Variants in RWDD4 observed in about 807,000 individuals in gnomAD.
RWDD4 encodes RWD domain containing 4.
A neutral mutation model predicts 30.0 loss-of-function variants in RWDD4; 16 were observed. The observed-to-expected ratio is 0.53, with a 90% CI of 0.36 to 0.81. RWDD4 has a LOEUF of 0.81. Among genes scored for constraint, RWDD4 ranks in the 30% least tolerant of loss-of-function variants. The pLI is 0.00. For synonymous variants in RWDD4, 45 were observed against 72.1 expected, an observed-to-expected ratio of 0.62 and a Z score of 1.90; for missense variants, 170 against 223.9, an observed-to-expected ratio of 0.76 and a Z score of 1.54.
At chr4:183,656,018 G>C in intron 1 of RWDD4, 57 bp from the exon 2 acceptor site, 1 of 1,194,948 alleles carries the variant, frequency 8.4e-7, no homozygotes, top group Non-Finnish European at 1.2e-6. Context: ...TAGAAATAGA[G>C]GGTCTTTACT....
At chr4:183,647,145 ATTATT>A (rs1733979821) in intron 5 of RWDD4, among the ~76,000 whole-genome samples, 2 of 152,206 alleles carry the variant, frequency 1.3e-5, no homozygotes, top group African/African-American at 4.8e-5. Context: ...AAGTGCTTTT[ATTATT>A]TTAACAGAAT....
intron 2 of RWDD4, among the ~76,000 whole-genome samples, chr4:183,655,363 G>C (rs113880649): frequency 0.071 from 10,779 of 150,776 alleles, 1,302 homozygotes; most frequent in African/African-American, 0.25. Context: ...CTCACTGCAA[G>C]CTCTGCCTCC....
intron 2 of RWDD4, among the ~76,000 whole-genome samples, chr4:183,652,808 CAAA>C (rs1210590907): frequency 3.5e-5 from 4 of 112,700 alleles, no homozygotes; most frequent in Admixed American, 9.5e-5. Flanking sequence ...GACTCCATCT[CAAA>C]AAAAAAAAAA....
chr4:183,656,548 C>T (rs1357157970), intron 1 of RWDD4, among the ~76,000 whole-genome samples: 1 of 152,140 alleles, frequency 6.6e-6, no homozygotes, highest in African/African-American at 2.4e-5. Flanking sequence ...GGACATAGTT[C>T]TTAGAACATT....
At chr4:183,655,470 ACAG>A (rs1390136471) in intron 2 of RWDD4, among the ~76,000 whole-genome samples, 5 of 151,346 alleles carry the variant, frequency 3.3e-5, no homozygotes, top group South Asian at 2.1e-4. Context: ...TTTAGTAGAG[ACAG>A]TGGGGTTTCA....
intron 2 of RWDD4, among the ~76,000 whole-genome samples, chr4:183,651,642 T>C (rs1269801684): frequency 6.6e-6 from 1 of 152,150 alleles, no homozygotes; most frequent in Non-Finnish European, 1.5e-5. Flanking sequence ...AGGATGAAAA[T>C]AAGACATCAA....
rs1440656086 is a variant in RWDD4, at chr4:183,641,201, T to C, written c.*235A>G. On this transcript the variant is annotated 3_prime_UTR_variant, in exon 8 of 8. Coordinates refer to ENST00000326397, the MANE Select transcript of RWDD4 (RefSeq NM_152682.4). ...CATTTATAAAGCTCAAGGGGCTTCA[T>C]AAAGTATACTAAACAGTAACATTTT... is the stretch of plus-strand genomic sequence containing the variant. 1 of 548,170 alleles carries C rather than the reference T, an allele frequency of 1.8e-6. No individual in the cohort carries two copies. The highest frequency in any genetic ancestry group is 3.3e-6 in the Non-Finnish European group (1 of 306,768). 34.0% of individuals were successfully genotyped at this position (548,170 alleles called of 1,614,324 possible). A position where few individuals can be genotyped will look rare whatever the true frequency, so the allele number is the denominator to read the frequency against.
chr4:183,658,916 C>T lies in RWDD4; in HGVS notation c.24+13G>A. On this transcript the variant is annotated intron_variant, in intron 1 of 7. Coordinates refer to ENST00000326397, the MANE Select transcript of RWDD4 (RefSeq NM_152682.4). Reference sequence around the variant, plus strand: ...GCCCGCGCTGGGAGAGGGCCCTGAGCCGGGGGGCTCACCTCCTGGTCCTCG... The same window carrying T: ...GCCCGCGCTGGGAGAGGGCCCTGAGTCGGGGGGCTCACCTCCTGGTCCTCG... 3 of 1,264,496 alleles carry T rather than the reference C, an allele frequency of 2.4e-6. No individual in the cohort carries two copies. Among genetic ancestry groups the T allele is most frequent in the Non-Finnish European group, 3.0e-6 (3 of 1,006,300 alleles). The allele number at this position is 1,264,496 out of a possible 1,614,324, so 78.3% of individuals were successfully genotyped here.
At chr4:183,643,564 T>C (rs1466195906) in intron 7 of RWDD4, among the ~76,000 whole-genome samples, 2 of 151,534 alleles carry the variant, frequency 1.3e-5, no homozygotes, top group Non-Finnish European at 1.5e-5. Flanking sequence ...TGGAAACTAC[T>C]GGCTTAGCAT....
intron 7 of RWDD4, 60 bp from the exon 8 acceptor site, chr4:183,641,528 T>C (rs1733856437): frequency 6.8e-6 from 9 of 1,327,452 alleles, no homozygotes; most frequent in Non-Finnish European, 5.4e-6. Context: ...ACTATTTCCA[T>C]GGAGTATCAA....
intron 7 of RWDD4, 61 bp downstream of exon 7, chr4:183,646,290 A>G (rs988456881): frequency 6.4e-6 from 5 of 779,956 alleles, no homozygotes; most frequent in Admixed American, 4.4e-5. Flanking sequence ...AAAAAAAAAA[A>G]GATCTAAAAT....
Position 183,659,059 on chromosome 4 carries a change from T to G in RWDD4, c.-107A>C. The G allele has an allele frequency of 1.2e-6, 1 of 859,836 alleles. No homozygotes were observed. Among genetic ancestry groups the G allele is most frequent in the East Asian group, 3.4e-5 (1 of 29,786 alleles). The allele number at this position is 859,836 out of a possible 1,614,324, so 53.3% of individuals were successfully genotyped here. A position where few individuals can be genotyped will look rare whatever the true frequency, so the allele number is the denominator to read the frequency against. On this transcript the variant is annotated 5_prime_UTR_variant, in exon 1 of 8. Coordinates refer to ENST00000326397, the MANE Select transcript of RWDD4 (RefSeq NM_152682.4). ...GCGTCCCCCTTTCGCGCCTCGGCTG[T>G]GGGGGCGGCACAGTCTTGGCACTGG...
intron 2 of RWDD4, among the ~76,000 whole-genome samples, chr4:183,654,144 A>G (rs1354592824): frequency 6.6e-6 from 1 of 152,212 alleles, no homozygotes; most frequent in Non-Finnish European, 1.5e-5. Context: ...AAATGTCACA[A>G]CCCATTATGT....
At chr4:183,653,929 A>G (rs1373472002) in intron 2 of RWDD4, among the ~76,000 whole-genome samples, 6 of 152,368 alleles carry the variant, frequency 3.9e-5, no homozygotes, top group African/African-American at 4.8e-5. Context: ...CAAAAGTAAC[A>G]AAACAAAGTA....
At chr4:183,657,021 G>A (rs1257335299) in intron 1 of RWDD4, among the ~76,000 whole-genome samples, 3 of 146,944 alleles carry the variant, frequency 2.0e-5, no homozygotes, top group Admixed American at 6.7e-5. Context: ...GCGAGGCTCC[G>A]TCTCAAAAAT....
At chr4:183,648,175 C>T (rs569443461) in intron 5 of RWDD4, among the ~76,000 whole-genome samples, 7 of 134,312 alleles carry the variant, frequency 5.2e-5, no homozygotes, top group South Asian at 2.4e-4. Context: ...ACCCAGGAGG[C>T]GGAGGTTGCA....
At chr4:183,651,365 A>AT (rs747272722) in intron 2 of RWDD4, 38 bp from the exon 3 acceptor site, 2 of 1,455,722 alleles carry the variant, frequency 1.4e-6, no homozygotes, top group Admixed American at 3.7e-5. Context: ...GTAAAAGGTG[A>AT]TAAAAAGACA....
chr4:183,651,366 TA>T, intron 2 of RWDD4, 39 bp from the exon 3 acceptor site: 1 of 1,455,570 alleles, frequency 6.9e-7, no homozygotes. Context: ...TAAAAGGTGA[TA>T]AAAAGACAGA....
At chr4:183,654,772 G>A (rs765042009) in intron 2 of RWDD4, among the ~76,000 whole-genome samples, 2 of 152,144 alleles carry the variant, frequency 1.3e-5, no homozygotes, top group Non-Finnish European at 1.5e-5. Context: ...ATGGTGTAAG[G>A]ACTGTTAAGC....
Sources: allele counts gnomAD v4.1 joint callset (sites outside exome capture counted in the v4.1 genomes callset), GRCh38; gene constraint gnomAD v4.1.1; transcripts MANE v1.5; gene names NCBI Gene and HGNC (gene_info 2026-07-23, HGNC 2026-07-21).